The following GAA variants were observed in gnomAD, a reference collection of about 807,000 sequenced individuals.
The protein encoded by GAA is lysosomal alpha-glucosidase.
Under a neutral mutation model 103.9 loss-of-function variants are expected in GAA, and 88 were observed. That is an observed-to-expected ratio of 0.85 (90% CI 0.71 to 1.01). The LOEUF (loss-of-function observed/expected upper bound fraction) is 1.01. Ranked by LOEUF, GAA falls within the 50% of genes least tolerant of loss-of-function variation. The pLI is 0.00. For synonymous variants in GAA, 572 were observed against 563.1 expected, an observed-to-expected ratio of 1.02 and a Z score of -0.22; for missense variants, 1,350 against 1,305.3, an observed-to-expected ratio of 1.03 and a Z score of -0.53.
In GAA at chr17:80,112,570, C is replaced by G. The variant is rs755281047; in HGVS notation, c.1755-8C>G. 5 of 1,613,012 alleles carry G rather than the reference C, an allele frequency of 3.1e-6. No homozygotes were observed. The highest frequency in any genetic ancestry group is 1.7e-5 in the Admixed American group (1 of 60,026). On this transcript the variant is annotated splice_region_variant and splice_polypyrimidine_tract_variant and intron_variant, in intron 12 of 19. Coordinates refer to ENST00000302262, the MANE Select transcript of GAA (RefSeq NM_000152.5). ...ACACAGCCCTCACGGTGTCCCCCACCACCCCAGGGCGCTGGTGAAGGCTCG... is the reference window on the plus strand; with the variant it reads ...ACACAGCCCTCACGGTGTCCCCCACGACCCCAGGGCGCTGGTGAAGGCTCG...
intron 9 of GAA, 113 bp downstream of exon 9, chr17:80,110,168 A>T: frequency 1.2e-6 from 1 of 826,966 alleles, no homozygotes; most frequent in Non-Finnish European, 2.0e-6. Context: ...GCCCAGTGGG[A>T]CAGCTGAGAG....
rs1567828977 is a variant in GAA at position 80,107,661 on chromosome 17, C to T, written c.797C>T (p.Pro266Leu). The change falls in exon 4 of 20, where the codon CCC (proline) becomes CTC (leucine). Residue 266 changes from proline to leucine, a missense_variant. Coordinates refer to ENST00000302262, the MANE Select transcript of GAA (RefSeq NM_000152.5). ...ACAGGCCTCGCCGAGCACCTCAGTC[C>T]CCTGATGCTCAGCACCAGCTGGACC... The part of the protein sequence containing the change: ...YITGLAEHLS[P>L]LMLSTSWTRI... 1 of 1,613,098 alleles carries T rather than the reference C, an allele frequency of 6.2e-7. No individual in the cohort carries two copies. Among genetic ancestry groups the T allele is most frequent in the Non-Finnish European group, 8.5e-7 (1 of 1,179,896 alleles).
At position 80,104,993 on chromosome 17, in the gene GAA, A is replaced by G; in HGVS notation, c.407A>G (p.Tyr136Cys). The G allele has an allele frequency of 6.2e-7, 1 of 1,612,936 alleles. No individual in the cohort carries two copies. Among genetic ancestry groups the G allele is most frequent in the Non-Finnish European group, 8.5e-7 (1 of 1,180,012 alleles). The change falls in exon 2 of 20, where the codon TAC becomes TGC. Residue 136 changes from tyrosine (Y) to cysteine (C), a missense_variant. Transcript: ENST00000302262. The surrounding 1 kb of genome is among the most constrained non-coding windows in gnomAD (Gnocchi z 4.0). ...WCFFPPSYPSYKLENLSSSEM... is the reference protein window; with the variant it reads ...WCFFPPSYPSCKLENLSSSEM... ...TTCTTCCCACCCAGCTACCCCAGCT[A>G]CAAGCTGGAGAACCTGAGCTCCTCT... is the stretch of plus-strand genomic sequence containing the variant.
At chr17:80,107,500 C>T (rs1424650530) in intron 3 of GAA, 57 bp from the exon 4 acceptor site, 2 of 1,610,860 alleles carry the variant, frequency 1.2e-6, no homozygotes, top group Non-Finnish European at 1.7e-6. Context: ...TCTGGGTGCT[C>T]TCAGGCTCGT....
At chr17:80,108,022 C>A in intron 5 of GAA, 126 bp downstream of exon 5, 1 of 1,075,700 alleles carries the variant, frequency 9.3e-7, no homozygotes, top group East Asian at 2.6e-5. Context: ...GAAATGAGTC[C>A]TATGGGCTGA....
chr17:80,107,443 G>A, intron 3 of GAA, 114 bp from the exon 4 acceptor site: 8 of 1,391,448 alleles, frequency 5.7e-6, no homozygotes, highest in Non-Finnish European at 8.1e-6. Context: ...CTGCAGGGCT[G>A]GCCAGGCCAC....
intron 11 of GAA, among the ~76,000 whole-genome samples, chr17:80,111,471 C>T (rs1439764618): frequency 6.6e-6 from 1 of 152,194 alleles, no homozygotes; most frequent in Non-Finnish European, 1.5e-5. Context: ...ACTGACCCAG[C>T]AGGATTCTTG....
In GAA at chr17:80,108,332, C is replaced by G; in HGVS notation, c.998C>G (p.Thr333Arg). ...AGCCCTGCCCTTAGCTGGAGGTCGA[C>G]AGGTGGGATCCTGGATGTCTACATC... ...QPSPALSWRSTGGILDVYIFL... is the reference protein window; with the variant it reads ...QPSPALSWRSRGGILDVYIFL... Residue 333 changes from threonine to arginine, a missense_variant, in exon 6 of 20, where the codon ACA (threonine) becomes AGA (arginine). Transcript: ENST00000302262. The G allele has an allele frequency of 1.9e-6, 3 of 1,613,726 alleles. No individual in the cohort carries two copies. The highest frequency in any genetic ancestry group is 2.5e-6 in the Non-Finnish European group (3 of 1,180,032).
chr17:80,107,402 C>T (rs1402556622), intron 3 of GAA, among the ~76,000 whole-genome samples, 155 bp from the exon 4 acceptor site: 4 of 152,120 alleles, frequency 2.6e-5, no homozygotes, highest in African/African-American at 7.2e-5. Flanking sequence ...CTGCAGGGCT[C>T]GGCACGGCCG....
chr17:80,105,402 A>G (rs2143831692), intron 2 of GAA, among the ~76,000 whole-genome samples: 1 of 152,342 alleles, frequency 6.6e-6, no homozygotes, highest in Admixed American at 6.5e-5. Flanking sequence ...GTTGCGAATG[A>G]AAACAGGATG....
intron 15 of GAA, among the ~76,000 whole-genome samples, chr17:80,116,146 T>A (rs903223145): frequency 1.3e-5 from 2 of 152,204 alleles, no homozygotes; most frequent in Non-Finnish European, 2.9e-5. Context: ...GCAAGAAATA[T>A]TTTGAAGCAG....
intron 15 of GAA, among the ~76,000 whole-genome samples, chr17:80,114,620 G>A (rs1199856183): frequency 2.0e-5 from 3 of 150,768 alleles, no homozygotes; most frequent in South Asian, 2.1e-4. Flanking sequence ...TATAATGACC[G>A]CCTTATTCAA....
intron 16 of GAA, 43 bp from the exon 17 acceptor site, chr17:80,117,556 GC>G (rs1159519534): frequency 6.2e-7 from 1 of 1,610,372 alleles, no homozygotes; most frequent in Non-Finnish European, 8.5e-7. Flanking sequence ...CAGCATGGGG[GC>G]CTCGGCACGG....
At chr17:80,110,441 C>A (rs1346810107) in intron 9 of GAA, among the ~76,000 whole-genome samples, 1 of 152,208 alleles carries the variant, frequency 6.6e-6, no homozygotes, top group South Asian at 2.1e-4. Flanking sequence ...GGGCCGTCTC[C>A]GCTGCCCTTC....
intron 11 of GAA, 121 bp downstream of exon 11, chr17:80,111,146 G>A: frequency 3.2e-6 from 3 of 941,600 alleles, no homozygotes; most frequent in Non-Finnish European, 4.9e-6. Flanking sequence ...AAGGGGCGGG[G>A]GGGGGATCCC....
At chr17:80,102,916 T>C (rs930970463) in intron 1 of GAA, among the ~76,000 whole-genome samples, 1 of 152,144 alleles carries the variant, frequency 6.6e-6, no homozygotes, top group African/African-American at 2.4e-5. Context: ...AGTGTCAAGA[T>C]TGAATTGAAT....
At chr17:80,110,153 A>G (rs2039198122) in intron 9 of GAA, 98 bp downstream of exon 9, 1 of 964,120 alleles carries the variant, frequency 1.0e-6, no homozygotes, top group Non-Finnish European at 1.6e-6. Flanking sequence ...TTGAGGAGCC[A>G]TCACGCCCAG....
intron 15 of GAA, among the ~76,000 whole-genome samples, chr17:80,114,732 G>A (rs560001516): frequency 2.6e-5 from 4 of 152,192 alleles, no homozygotes; most frequent in African/African-American, 9.6e-5. Flanking sequence ...CTTTACCCAT[G>A]GTTTTATTTC....
At position 80,119,420 on chromosome 17, in the gene GAA, G is replaced by A. The variant is rs2039434158; in HGVS notation, c.*89G>A. The A allele has an allele frequency of 1.7e-6, 2 of 1,152,878 alleles. No homozygotes were observed. Among genetic ancestry groups the A allele is most frequent in the East Asian group, 2.4e-5 (1 of 42,532 alleles). The allele number at this position is 1,152,878 out of a possible 1,614,324, so 71.4% of individuals were successfully genotyped here. A position where few individuals can be genotyped will look rare whatever the true frequency, so the allele number is the denominator to read the frequency against. On this transcript the variant is annotated 3_prime_UTR_variant, in exon 20 of 20. Coordinates refer to ENST00000302262, the MANE Select transcript of GAA (RefSeq NM_000152.5). ...GCGGGCAGCAGCTGTGTGCGGGCCT[G>A]GGGGTTGCATGTGTCACCTGGAGCT...
Sources: allele counts gnomAD v4.1 joint callset (sites outside exome capture counted in the v4.1 genomes callset), GRCh38; gene constraint gnomAD v4.1.1; non-coding constraint Gnocchi (gnomAD v3.1); transcripts MANE v1.5; gene names NCBI Gene and HGNC (gene_info 2026-07-23, HGNC 2026-07-21).